ZCWPW2: variants seen among roughly 807,000 people sequenced by gnomAD.
The protein encoded by ZCWPW2 is zinc finger CW-type and PWWP domain containing 2, also known as zinc finger CW-type PWWP domain protein 2.
Under a neutral mutation model 46.6 loss-of-function variants are expected in ZCWPW2, and 45 were observed. The ratio of observed to expected loss-of-function variants is 0.96; its 90% CI spans 0.76 to 1.24. The LOEUF is 1.24. Among genes scored for constraint, ZCWPW2 ranks in the 50% most tolerant of loss-of-function variants. The pLI, the probability that ZCWPW2 is intolerant of heterozygous loss-of-function variation, is 0.00. For missense variants in ZCWPW2, 429 were observed against 403.9 expected (o/e 1.06, Z -0.53); for synonymous variants, 152 against 137.1 (o/e 1.11, Z -0.76).
intron 6 of ZCWPW2, among the ~76,000 whole-genome samples, chr3:28,510,748 C>G (rs1030363027): frequency 6.6e-6 from 1 of 152,052 alleles, no homozygotes; most frequent in Non-Finnish European, 1.5e-5. Flanking sequence ...AGATGCCCCA[C>G]CAAACCAAGA....
chr3:28,410,742 T>C (rs1056947353), intron 2 of ZCWPW2, among the ~76,000 whole-genome samples: 1 of 151,474 alleles, frequency 6.6e-6, no homozygotes, highest in East Asian at 1.9e-4. Flanking sequence ...AAGAGAAAAA[T>C]AAGAGCAACA....
chr3:28,384,259 G>T (rs1341934404), intron 1 of ZCWPW2, among the ~76,000 whole-genome samples: 1 of 151,928 alleles, frequency 6.6e-6, no homozygotes, highest in East Asian at 1.9e-4. Context: ...TATACACTTT[G>T]TATTAATATG....
At chr3:28,383,817 T>G (rs561547678) in intron 1 of ZCWPW2, among the ~76,000 whole-genome samples, 1 of 152,190 alleles carries the variant, frequency 6.6e-6, no homozygotes, top group Non-Finnish European at 1.5e-5. Context: ...GTTCACACTT[T>G]TTATAATGAA....
chr3:28,368,751 T>C (rs1261214553), intron 1 of ZCWPW2, among the ~76,000 whole-genome samples: 1 of 152,212 alleles, frequency 6.6e-6, no homozygotes, highest in Non-Finnish European at 1.5e-5. Context: ...TCCCGCAGAG[T>C]GTTTTCCAAC....
chr3:28,469,621 AAAG>A (rs1405406440), intron 4 of ZCWPW2, among the ~76,000 whole-genome samples: 1 of 152,046 alleles, frequency 6.6e-6, no homozygotes, highest in African/African-American at 2.4e-5. Context: ...AAGAAGAGAC[AAAG>A]AAGATTATTA....
At chr3:28,457,425 A>T (rs1698467379) in intron 4 of ZCWPW2, among the ~76,000 whole-genome samples, 1 of 152,114 alleles carries the variant, frequency 6.6e-6, no homozygotes. Flanking sequence ...GTATACTAAC[A>T]TTTTTTTAGG....
At chr3:28,517,837 T>C (rs1406924192) in intron 8 of ZCWPW2, among the ~76,000 whole-genome samples, 2 of 152,140 alleles carry the variant, frequency 1.3e-5, no homozygotes, top group East Asian at 1.9e-4. Context: ...ACATTAATTT[T>C]TAAAAACTAG....
chr3:28,361,425 A>G lies in ZCWPW2; in HGVS notation c.-134+12222A>G, dbSNP rs1408151737. On this transcript the variant is annotated intron_variant, in intron 1 of 9. Coordinates refer to ENST00000383768, the MANE Select transcript of ZCWPW2 (RefSeq NM_001040432.4). ...ATGAAAAAATATAAGGAATTAAACT[A>G]TAAAACTCTAGAAGAAAATGTAGGG... is the stretch of plus-strand genomic sequence containing the variant. 2.6e-5 allele frequency among the ~76,000 whole-genome samples: 4 copies of G among 152,200 alleles called. No individual in the cohort carries two copies. In the South Asian group the frequency reaches 8.3e-4, roughly 31 times the overall value.
intron 6 of ZCWPW2, among the ~76,000 whole-genome samples, chr3:28,502,493 A>G (rs1165131376): frequency 6.6e-6 from 1 of 152,116 alleles, no homozygotes; most frequent in Non-Finnish European, 1.5e-5. Flanking sequence ...TGTGGTTTTC[A>G]CAAAATGGCC....
At chr3:28,454,584 C>T (rs1698355446) in intron 4 of ZCWPW2, among the ~76,000 whole-genome samples, 1 of 152,136 alleles carries the variant, frequency 6.6e-6, no homozygotes, top group African/African-American at 2.4e-5. Context: ...TCCCATCACC[C>T]AGGTATTAAG....
intron 1 of ZCWPW2, 113 bp downstream of exon 1, chr3:28,349,316 T>A: frequency 1.7e-6 from 1 of 602,490 alleles, no homozygotes; most frequent in Non-Finnish European, 2.1e-6. Flanking sequence ...GGCCGTGTGG[T>A]GCGTGCTGGC....
intron 8 of ZCWPW2, 145 bp downstream of exon 8, chr3:28,515,766 C>T (rs922835436): frequency 1.3e-4 from 75 of 571,748 alleles, no homozygotes; most frequent in Non-Finnish European, 2.0e-4. Context: ...TATACATGTG[C>T]GTACATATGT....
chr3:28,483,974 T>C (rs769274119), intron 5 of ZCWPW2, among the ~76,000 whole-genome samples: 10 of 152,194 alleles, frequency 6.6e-5, no homozygotes, highest in Non-Finnish European at 1.5e-4. Flanking sequence ...TTTATTTTCA[T>C]TTATTGTCTT....
intron 4 of ZCWPW2, chr3:28,460,877 T>A (rs892607102): frequency 3.4e-5 from 6 of 175,152 alleles, no homozygotes; most frequent in African/African-American, 1.4e-4. Context: ...CATAAATCTC[T>A]AGGCAGATAC....
intron 4 of ZCWPW2, chr3:28,448,070 C>A: frequency 4.9e-5 from 13 of 264,830 alleles, no homozygotes; most frequent in East Asian, 1.4e-4. Context: ...AGTCAGAAAG[C>A]TAAATAAAAA....
chr3:28,363,627 C>T (rs1559473948), intron 1 of ZCWPW2, among the ~76,000 whole-genome samples: 1 of 152,108 alleles, frequency 6.6e-6, no homozygotes, highest in Non-Finnish European at 1.5e-5. Context: ...CCACACCCCA[C>T]CCACCTCCTT....
At chr3:28,474,583 C>T (rs1699155785) in intron 4 of ZCWPW2, among the ~76,000 whole-genome samples, 1 of 112,314 alleles carries the variant, frequency 8.9e-6, no homozygotes, top group Admixed American at 8.8e-5. Context: ...CCTTTAAATA[C>T]AGCGTGTGTG....
In ZCWPW2 at chr3:28,525,831, T is replaced by C. The variant is rs963361; in HGVS notation, c.*1143T>C. Among the ~76,000 whole-genome samples the C allele has an allele frequency of 0.42, 63,645 of 152,018 alleles. 13,586 individuals are homozygous for C. Among genetic ancestry groups the C allele is most frequent in the East Asian group, 0.65 (3,351 of 5,168 alleles). On this transcript the variant is annotated 3_prime_UTR_variant, in exon 10 of 10. Coordinates refer to ENST00000383768, the MANE Select transcript of ZCWPW2 (RefSeq NM_001040432.4). ...AGTAAAGTATGTATGTATTTCTGTC[T>C]TCCTTGTTTTCCTCATGTATTCCTT... is the stretch of plus-strand genomic sequence containing the variant.
chr3:28,518,628 CAG>C (rs1247411488), intron 8 of ZCWPW2, among the ~76,000 whole-genome samples: 2 of 152,164 alleles, frequency 1.3e-5, no homozygotes, highest in Non-Finnish European at 2.9e-5. Flanking sequence ...CACTTGAAAA[CAG>C]AGAGCCTACA....
Sources: allele counts gnomAD v4.1 joint callset (sites outside exome capture counted in the v4.1 genomes callset), GRCh38; gene constraint gnomAD v4.1.1; transcripts MANE v1.5; gene names NCBI Gene and HGNC (gene_info 2026-07-23, HGNC 2026-07-21).